ZNF248: variants seen among roughly 807,000 people sequenced by gnomAD.
ZNF248 encodes KRAB protein domain.
Under a neutral mutation model 44.3 loss-of-function variants are expected in ZNF248, and 20 were observed. The ratio of observed to expected loss-of-function variants is 0.45; its 90% CI spans 0.32 to 0.66. ZNF248 has a LOEUF of 0.66. Ranked by LOEUF, ZNF248 falls within the 30% of genes least tolerant of loss-of-function variation. The pLI is 0.04. For synonymous variants in ZNF248, 224 were observed against 229.0 expected, an observed-to-expected ratio of 0.98 and a Z score of 0.20; for missense variants, 654 against 677.0, an observed-to-expected ratio of 0.97 and a Z score of 0.38.
chr10:37,841,949 G>A (rs1021387053), intron 3 of ZNF248, among the ~76,000 whole-genome samples: 11 of 152,146 alleles, frequency 7.2e-5, no homozygotes, highest in African/African-American at 2.7e-4. Flanking sequence ...CAGCTAAGAA[G>A]AGCCTAAGGA....
chr10:37,767,842 A>G, the ZNF248 span, among the ~76,000 whole-genome samples: 1 of 152,242 alleles, frequency 6.6e-6, no homozygotes, highest in African/African-American at 2.4e-5. Flanking sequence ...AATTGGATAA[A>G]GAGTCAAGAC....
At chr10:37,819,566 A>C in intron 6 of ZNF248, 5 of 920,662 alleles carry the variant, frequency 5.4e-6, no homozygotes, top group Non-Finnish European at 9.1e-6. Flanking sequence ...ATGATCTTTA[A>C]ATTGTGAGTT....
At chr10:37,853,523 G>A (rs1318072852) in intron 3 of ZNF248, among the ~76,000 whole-genome samples, 10 of 151,950 alleles carry the variant, frequency 6.6e-5, no homozygotes, top group Non-Finnish European at 1.0e-4. Context: ...GACTACAGGC[G>A]CCTGCCACCA....
intron 6 of ZNF248, chr10:37,803,658 C>T (rs2050113349): frequency 6.6e-6 from 1 of 152,094 alleles, no homozygotes; most frequent in Non-Finnish European, 1.5e-5. Flanking sequence ...GGGACTACTC[C>T]TTATTACCTC....
chr10:37,764,418 A>C, the ZNF248 span, among the ~76,000 whole-genome samples: 1 of 152,124 alleles, frequency 6.6e-6, no homozygotes, highest in Non-Finnish European at 1.5e-5. Context: ...TTTTAATTTC[A>C]CCCCAGTCCT....
the ZNF248 span, among the ~76,000 whole-genome samples, chr10:37,766,786 C>G: frequency 1.3e-5 from 2 of 152,082 alleles, no homozygotes; most frequent in Admixed American, 6.6e-5. Context: ...ATGACTTTGA[C>G]GAGCTGAGAG....
At chr10:37,779,770 T>C (rs1184878825) in intron 6 of ZNF248, among the ~76,000 whole-genome samples, 6 of 149,674 alleles carry the variant, frequency 4.0e-5, no homozygotes, top group African/African-American at 1.5e-4. Context: ...AAAACCCCAT[T>C]GTCTCAGCCC....
At chr10:37,759,972 T>C in the ZNF248 span, among the ~76,000 whole-genome samples, 4 of 152,038 alleles carry the variant, frequency 2.6e-5, no homozygotes, top group African/African-American at 9.7e-5. Context: ...CCCAAGCCAG[T>C]TGGTAATGTT....
the ZNF248 span, among the ~76,000 whole-genome samples, chr10:37,764,196 G>T: frequency 1.3e-5 from 2 of 152,180 alleles, no homozygotes; most frequent in African/African-American, 2.4e-5. Flanking sequence ...CCTAGGGGGA[G>T]GTCTCTAAAA....
At chr10:37,819,991 T>C in intron 6 of ZNF248, 1 of 773,130 alleles carries the variant, frequency 1.3e-6, no homozygotes, top group Non-Finnish European at 2.4e-6. Flanking sequence ...CATGCTCTTA[T>C]CTCTACATGC....
In ZNF248 at chr10:37,832,207, C is replaced by T. The variant is rs773840160; in HGVS notation, c.1148G>A (p.Gly383Asp). The stretch of plus-strand genomic sequence containing the variant: ...CTCCCAGAAGGTTTTCCCACATTCA[C>T]CACATTCAAAGGTTTTTTCTCCTGT... The part of the protein sequence containing the change: ...AHTGEKTFEC[G>D]ECGKTFWEKS... Residue 383 changes from glycine to aspartate, a missense_variant, in exon 6 of 6, where the codon GGT becomes GAT. Transcript: ENST00000395867. 8 of 1,613,968 alleles carry T rather than the reference C, an allele frequency of 5.0e-6. No individual in the cohort carries two copies. In the Admixed American group the frequency reaches 6.7e-5, roughly 13 times the overall value.
At chr10:37,797,230 T>C (rs2049262249) in intron 6 of ZNF248, among the ~76,000 whole-genome samples, 1 of 152,142 alleles carries the variant, frequency 6.6e-6, no homozygotes, top group African/African-American at 2.4e-5. Flanking sequence ...AACAAAGATC[T>C]AGATATGTTT....
intron 6 of ZNF248, among the ~76,000 whole-genome samples, chr10:37,823,212 T>C (rs1481532676): frequency 4.0e-5 from 6 of 151,450 alleles, no homozygotes; most frequent in Non-Finnish European, 2.9e-5. Context: ...CACGTGCCTG[T>C]AGTCCCAGCT....
the ZNF248 span, among the ~76,000 whole-genome samples, chr10:37,763,595 G>C: frequency 6.6e-6 from 1 of 152,170 alleles, no homozygotes; most frequent in Admixed American, 6.5e-5. Context: ...TGATTTACAA[G>C]AATTAAGTCA....
intron 6 of ZNF248, among the ~76,000 whole-genome samples, chr10:37,798,890 T>C (rs1227121548): frequency 1.3e-5 from 2 of 152,152 alleles, no homozygotes; most frequent in Non-Finnish European, 2.9e-5. Flanking sequence ...TGTAAGTACA[T>C]TGCCCAACCT....
rs1408547122 is a variant in ZNF248 at position 37,850,572 on chromosome 10, C to T, written c.15+5724G>A. Reference sequence around the variant, plus strand: ...TATATGGTTACAGTCATCAAGATAGCGTGGTATTAGCAGAGGCACAGACAC... The same window carrying T: ...TATATGGTTACAGTCATCAAGATAGTGTGGTATTAGCAGAGGCACAGACAC... On this transcript the variant is annotated intron_variant, in intron 3 of 5. Transcript: ENST00000395867. Among the ~76,000 whole-genome samples, 8 of 152,210 alleles carry T rather than the reference C, an allele frequency of 5.3e-5. No homozygotes were observed. The South Asian group carries it at 1.0e-3, about 20-fold the overall frequency.
intron 6 of ZNF248, among the ~76,000 whole-genome samples, chr10:37,792,685 C>T (rs1427723162): frequency 1.3e-5 from 2 of 152,152 alleles, no homozygotes; most frequent in East Asian, 1.9e-4. Flanking sequence ...TGGTATTATT[C>T]CCCAAATTCC....
At chr10:37,807,197 G>A (rs926509087) in intron 6 of ZNF248, among the ~76,000 whole-genome samples, 1 of 151,904 alleles carries the variant, frequency 6.6e-6, no homozygotes, top group African/African-American at 2.4e-5. Context: ...CTTGGTACCC[G>A]TGTCTAAAAC....
At chr10:37,838,165 A>C (rs2057619601) in intron 3 of ZNF248, 54 bp from the exon 4 acceptor site, 12 of 1,529,712 alleles carry the variant, frequency 7.8e-6, no homozygotes, top group Non-Finnish European at 1.1e-5. Context: ...TGATACAGAA[A>C]AGATTTAAGA....
Sources: allele counts gnomAD v4.1 joint callset (sites outside exome capture counted in the v4.1 genomes callset), GRCh38; gene constraint gnomAD v4.1.1; transcripts MANE v1.5; gene names NCBI Gene and HGNC (gene_info 2026-07-23, HGNC 2026-07-21).